The following CCSER1 variants were observed in gnomAD, a reference collection of about 807,000 sequenced individuals.
CCSER1 encodes the protein serine-rich coiled-coil domain-containing protein 1.
CCSER1 carries 41 observed loss-of-function variants against 82.0 expected under a neutral mutation model. The observed-to-expected ratio is 0.50, with a 90% CI of 0.39 to 0.65. The LOEUF (loss-of-function observed/expected upper bound fraction) is 0.65. CCSER1 is among the 30% of genes least tolerant of loss of function. CCSER1 has a pLI of 0.00. For missense variants in CCSER1, 1,119 were observed against 1,064.2 expected (o/e 1.05, Z -0.72); for synonymous variants, 414 against 383.9 (o/e 1.08, Z -0.92).
chr4:90,442,642 A>C (rs1333086401), intron 4 of CCSER1, among the ~76,000 whole-genome samples: 3 of 152,212 alleles, frequency 2.0e-5, no homozygotes, highest in Non-Finnish European at 4.4e-5. Flanking sequence ...GAAAGCAAGA[A>C]TTGAGGCAAG....
intron 8 of CCSER1, among the ~76,000 whole-genome samples, chr4:90,885,230 A>G (rs1721946804): frequency 6.6e-6 from 1 of 152,168 alleles, no homozygotes; most frequent in Non-Finnish European, 1.5e-5. Context: ...CAGTTGCAGT[A>G]TTCTCAGTAA....
chr4:90,562,627 T>G (rs1778910441), intron 5 of CCSER1, among the ~76,000 whole-genome samples: 1 of 151,972 alleles, frequency 6.6e-6, no homozygotes, highest in Admixed American at 6.6e-5. Flanking sequence ...AGCCTTGACT[T>G]CCCAGAATCA....
chr4:90,978,686 G>A (rs1314630601), intron 9 of CCSER1, among the ~76,000 whole-genome samples: 4 of 151,692 alleles, frequency 2.6e-5, no homozygotes, highest in Admixed American at 6.6e-5. Context: ...TCTGTAGACC[G>A]TAATTCAATC....
At chr4:90,177,871 G>A (rs979439207) in intron 1 of CCSER1, among the ~76,000 whole-genome samples, 2 of 152,028 alleles carry the variant, frequency 1.3e-5, no homozygotes, top group African/African-American at 4.8e-5. Flanking sequence ...TTCAGAGTAA[G>A]CCTGGCAAAT....
chr4:91,141,736 A>G (rs974264687), intron 10 of CCSER1, among the ~76,000 whole-genome samples: 1 of 152,098 alleles, frequency 6.6e-6, no homozygotes, highest in Non-Finnish European at 1.5e-5. Flanking sequence ...ATTAAGTTAC[A>G]TCCCAACCAA....
chr4:91,162,803 T>C (rs1731571772), intron 10 of CCSER1, among the ~76,000 whole-genome samples: 1 of 152,202 alleles, frequency 6.6e-6, no homozygotes, highest in African/African-American at 2.4e-5. Flanking sequence ...TTATTGTGTC[T>C]ATTTGATTAT....
chr4:91,574,712 C>T (rs145294813), intron 10 of CCSER1, among the ~76,000 whole-genome samples: 35 of 151,888 alleles, frequency 2.3e-4, no homozygotes, highest in African/African-American at 7.7e-4. Flanking sequence ...AAAATGACAA[C>T]AATAGACATT....
At chr4:90,574,773 T>A (rs180722409) in intron 5 of CCSER1, among the ~76,000 whole-genome samples, 307 of 152,046 alleles carry the variant, frequency 2.0e-3, no homozygotes, top group Admixed American at 3.9e-3. Context: ...TGGTGTTTTT[T>A]TTGTGTTATA....
chr4:91,051,996 T>C (rs1277869415), intron 9 of CCSER1, among the ~76,000 whole-genome samples: 2 of 152,112 alleles, frequency 1.3e-5, no homozygotes, highest in Admixed American at 6.6e-5. Flanking sequence ...AGACATGCAA[T>C]TGTATTTTCT....
chr4:91,084,613 A>G (rs935795177), intron 9 of CCSER1, among the ~76,000 whole-genome samples: 2 of 152,164 alleles, frequency 1.3e-5, no homozygotes, highest in African/African-American at 4.8e-5. Context: ...TAAGCTTTAC[A>G]TTTAAGAAAT....
intron 9 of CCSER1, among the ~76,000 whole-genome samples, chr4:90,998,035 T>G (rs147345890): frequency 6.6e-6 from 1 of 152,288 alleles, no homozygotes; most frequent in Admixed American, 6.5e-5. Context: ...GAAATTTGCT[T>G]TAATTTTCCA....
rs534942859 is a variant in CCSER1 at position 91,500,281 on chromosome 4, T to C, written c.2218-98291T>C. Among the ~76,000 whole-genome samples, 5 of 152,216 alleles carry C rather than the reference T, an allele frequency of 3.3e-5. No homozygotes were observed. The South Asian group carries it at 8.3e-4, about 25-fold the overall frequency. Reference sequence around the variant, plus strand: ...CATCTCTAGATCCTCTTTTATGAGTTATCTCCTCAGGTCTTTTGCCCATCT... The same window carrying C: ...CATCTCTAGATCCTCTTTTATGAGTCATCTCCTCAGGTCTTTTGCCCATCT... On this transcript the variant is annotated intron_variant, in intron 10 of 10. Transcript: ENST00000509176.
At chr4:91,093,892 TC>T (rs1724231158) in intron 10 of CCSER1, among the ~76,000 whole-genome samples, 1 of 152,224 alleles carries the variant, frequency 6.6e-6, no homozygotes. Flanking sequence ...GAATCCATAA[TC>T]TGCAAAACCC....
At chr4:90,298,026 A>G (rs1443332698) in intron 1 of CCSER1, among the ~76,000 whole-genome samples, 1 of 152,062 alleles carries the variant, frequency 6.6e-6, no homozygotes, top group East Asian at 1.9e-4. Context: ...GTTAGGGAGG[A>G]TCCCCTCTTT....
chr4:91,190,206 T>C (rs1451887151), intron 10 of CCSER1, among the ~76,000 whole-genome samples: 1 of 152,200 alleles, frequency 6.6e-6, no homozygotes, highest in African/African-American at 2.4e-5. Flanking sequence ...AGCGGTACAA[T>C]CTCAGGGAAA....
intron 8 of CCSER1, among the ~76,000 whole-genome samples, chr4:90,904,665 G>C (rs1398946598): frequency 6.6e-6 from 1 of 152,010 alleles, no homozygotes; most frequent in Non-Finnish European, 1.5e-5. Context: ...GGAGCAATAA[G>C]GGGGGGCCTG....
chr4:91,462,681 G>T (rs528080858), intron 10 of CCSER1, among the ~76,000 whole-genome samples: 1 of 152,308 alleles, frequency 6.6e-6, no homozygotes, highest in Admixed American at 6.5e-5. Context: ...TTTTCCAATG[G>T]TCTTAGCAAA....
At chr4:90,950,492 C>T (rs1288232654) in intron 9 of CCSER1, among the ~76,000 whole-genome samples, 1 of 151,834 alleles carries the variant, frequency 6.6e-6, no homozygotes, top group Non-Finnish European at 1.5e-5. Flanking sequence ...ACTCTTAAAA[C>T]AAAACATACA....
At chr4:90,191,404 C>T (rs545653643) in intron 1 of CCSER1, among the ~76,000 whole-genome samples, 2 of 151,956 alleles carry the variant, frequency 1.3e-5, no homozygotes, top group Non-Finnish European at 2.9e-5. Flanking sequence ...TAGTGCCAAG[C>T]TGGCCTGGCC....
Sources: allele counts gnomAD v4.1 joint callset (sites outside exome capture counted in the v4.1 genomes callset), GRCh38; gene constraint gnomAD v4.1.1; transcripts MANE v1.5; gene names NCBI Gene and HGNC (gene_info 2026-07-23, HGNC 2026-07-21).